Variants in DLGAP1 observed in about 807,000 individuals in gnomAD.
DLGAP1 encodes the protein disks large-associated protein 1.
A neutral mutation model predicts 90.8 loss-of-function variants in DLGAP1; 11 were observed. That is an observed-to-expected ratio of 0.12 (90% CI 0.08 to 0.20). The LOEUF (loss-of-function observed/expected upper bound fraction) is 0.20. DLGAP1 is among the 10% of genes least tolerant of loss of function. The pLI is 1.00. For synonymous variants in DLGAP1, 558 were observed against 540.7 expected, an observed-to-expected ratio of 1.03 and a Z score of -0.44; for missense variants, 1,050 against 1,333.8, an observed-to-expected ratio of 0.79 and a Z score of 3.31.
chr18:4,430,552 A>C (rs1316215267), intron 1 of DLGAP1: 8 of 102,780 alleles, frequency 7.8e-5, no homozygotes, highest in Admixed American at 2.0e-4. Context: ...CTGTGATTCA[A>C]ATGTTTTCTT....
chr18:3,895,319 A>ATCAT (rs1555703518), intron 3 of DLGAP1, among the ~76,000 whole-genome samples: 1 of 148,360 alleles, frequency 6.7e-6, no homozygotes, highest in Non-Finnish European at 1.5e-5. Context: ...ACACACACAC[A>ATCAT]CATCATCATC....
chr18:4,252,603 C>A (rs1258736836), intron 1 of DLGAP1, among the ~76,000 whole-genome samples: 3 of 152,190 alleles, frequency 2.0e-5, no homozygotes, highest in African/African-American at 4.8e-5. Flanking sequence ...AAATGGCTTA[C>A]AAAACAGTTG....
chr18:3,825,845 T>G (rs1261427758), intron 4 of DLGAP1, among the ~76,000 whole-genome samples: 1 of 152,138 alleles, frequency 6.6e-6, no homozygotes, highest in East Asian at 1.9e-4. Flanking sequence ...ACAGCCCTAT[T>G]AAACTATACT....
rs576702763 is a variant in DLGAP1 at position 3,634,858 on chromosome 18, C to T, written c.1592-52610G>A. 5.3e-4 allele frequency among the ~76,000 whole-genome samples: 81 copies of T among 152,170 alleles called. 1 individual carries two copies. The highest frequency in any genetic ancestry group is 1.0e-3 in the Non-Finnish European group (71 of 68,026). On this transcript the variant is annotated intron_variant, in intron 7 of 12. Transcript: ENST00000315677. Reference sequence around the variant, plus strand: ...TCTTTACCAAACATTAAATTTCCTACTTGATATTTCAACTCAATGACATCC... The same window carrying T: ...TCTTTACCAAACATTAAATTTCCTATTTGATATTTCAACTCAATGACATCC...
At position 3,762,307 on chromosome 18, in the gene DLGAP1, T is replaced by G. The variant is rs1168513748; in HGVS notation, c.1173-19795A>C. Among the ~76,000 whole-genome samples the G allele has an allele frequency of 2.0e-5, 3 of 152,166 alleles. No homozygotes were observed. In the East Asian group the frequency reaches 5.8e-4, roughly 29 times the overall value. On this transcript the variant is annotated intron_variant, in intron 5 of 12. Coordinates refer to ENST00000315677, the MANE Select transcript of DLGAP1 (RefSeq NM_004746.4). ...GTTTATGAACCAGTAAGAAAAGAAA[T>G]AACTTTATTGCTAAGAAAGATGTAG...
At chr18:4,159,577 G>GA (rs1408159287) in intron 1 of DLGAP1, among the ~76,000 whole-genome samples, 3 of 151,966 alleles carry the variant, frequency 2.0e-5, no homozygotes, top group African/African-American at 7.3e-5. Flanking sequence ...GCTCCCCACG[G>GA]AATGAACCTG....
At chr18:4,226,779 GA>G (rs2078199234) in intron 1 of DLGAP1, among the ~76,000 whole-genome samples, 2 of 150,302 alleles carry the variant, frequency 1.3e-5, no homozygotes, top group African/African-American at 4.9e-5. Flanking sequence ...AGGAAGCCAG[GA>G]AGGAAGAAAA....
At chr18:4,310,947 C>G (rs908207946) in intron 1 of DLGAP1, among the ~76,000 whole-genome samples, 1 of 152,134 alleles carries the variant, frequency 6.6e-6, no homozygotes, top group African/African-American at 2.4e-5. Context: ...TTACAGAACA[C>G]CTTAGTAATT....
At chr18:3,797,652 G>A (rs1233507312) in intron 5 of DLGAP1, among the ~76,000 whole-genome samples, 1 of 152,196 alleles carries the variant, frequency 6.6e-6, no homozygotes, top group Non-Finnish European at 1.5e-5. Flanking sequence ...CAGTTTTAAA[G>A]CGGGAGGGAG....
intron 3 of DLGAP1, among the ~76,000 whole-genome samples, chr18:3,991,850 A>C (rs1412361442): frequency 6.6e-6 from 1 of 152,128 alleles, no homozygotes; most frequent in African/African-American, 2.4e-5. Context: ...AACCACTTTG[A>C]TTTATTTTTT....
intron 1 of DLGAP1, among the ~76,000 whole-genome samples, chr18:4,245,827 C>G (rs533542250): frequency 6.8e-6 from 1 of 146,784 alleles, no homozygotes; most frequent in African/African-American, 2.4e-5. Context: ...ATGATCACAC[C>G]TACAAGCTGA....
chr18:3,796,937 C>T (rs1188740602), intron 5 of DLGAP1, among the ~76,000 whole-genome samples: 1 of 152,114 alleles, frequency 6.6e-6, no homozygotes, highest in Non-Finnish European at 1.5e-5. Flanking sequence ...GGCCCTAATG[C>T]CCAGTGTGAT....
chr18:4,119,915 A>G (rs987203126), intron 2 of DLGAP1, among the ~76,000 whole-genome samples: 6 of 152,246 alleles, frequency 3.9e-5, no homozygotes, highest in African/African-American at 1.4e-4. Context: ...GCACCTATTT[A>G]TTTGATACAA....
At chr18:4,171,941 C>A (rs1422204728) in intron 1 of DLGAP1, among the ~76,000 whole-genome samples, 13 of 152,308 alleles carry the variant, frequency 8.5e-5, no homozygotes, top group Admixed American at 5.2e-4. Context: ...GCAACCAGGG[C>A]ACAGAGCCTC....
chr18:3,912,584 A>G (rs2072059204), intron 3 of DLGAP1, among the ~76,000 whole-genome samples: 2 of 152,200 alleles, frequency 1.3e-5, no homozygotes, highest in Admixed American at 1.3e-4. Context: ...GAATAAACAT[A>G]TATTTAAATA....
At chr18:3,816,639 T>A (rs1221887632) in intron 4 of DLGAP1, among the ~76,000 whole-genome samples, 1 of 152,164 alleles carries the variant, frequency 6.6e-6, no homozygotes, top group Non-Finnish European at 1.5e-5. Flanking sequence ...AAGTGCTTTT[T>A]AAATGTCAGC....
intron 1 of DLGAP1, among the ~76,000 whole-genome samples, chr18:4,283,506 A>G (rs2079604446): frequency 6.6e-6 from 1 of 152,228 alleles, no homozygotes; most frequent in Non-Finnish European, 1.5e-5. Flanking sequence ...AATAAAAACA[A>G]TAACTGACAG....
At chr18:3,749,286 T>C (rs938013976) in intron 5 of DLGAP1, among the ~76,000 whole-genome samples, 5 of 151,836 alleles carry the variant, frequency 3.3e-5, no homozygotes, top group Non-Finnish European at 5.9e-5. Flanking sequence ...GTAGCTGGGA[T>C]TACAGGCGGA....
intron 4 of DLGAP1, among the ~76,000 whole-genome samples, chr18:3,819,917 G>T (rs909066107): frequency 6.6e-6 from 1 of 152,176 alleles, no homozygotes; most frequent in Admixed American, 6.5e-5. Flanking sequence ...CAAATAGTGG[G>T]TTACAACCCT....
Sources: gnomAD v4.1 joint callset for allele counts (sites outside exome capture counted in the v4.1 genomes callset) on GRCh38, gnomAD v4.1.1 for gene constraint, MANE v1.5 for transcripts, NCBI Gene and HGNC (gene_info 2026-07-23, HGNC 2026-07-21) for gene names.